Variants in TNKS observed in about 807,000 individuals in gnomAD.
The protein encoded by TNKS is poly [ADP-ribose] polymerase tankyrase-1.
In TNKS, 72 loss-of-function variants were observed where a neutral mutation model predicts 135.8. The observed-to-expected ratio is 0.53, with a 90% CI of 0.44 to 0.64. The LOEUF (loss-of-function observed/expected upper bound fraction) is 0.64. Among genes scored for constraint, TNKS ranks in the 30% least tolerant of loss-of-function variants. The pLI is 0.00. For missense variants in TNKS, 1,769 were observed against 1,674.0 expected, an observed-to-expected ratio of 1.06 and a Z score of -0.99; for synonymous variants, 849 against 649.3, an observed-to-expected ratio of 1.31 and a Z score of -4.68.
intron 17 of TNKS, among the ~76,000 whole-genome samples, chr8:9,739,998 A>G (rs1805846532): frequency 9.2e-6 from 1 of 108,768 alleles, no homozygotes; most frequent in Non-Finnish European, 1.8e-5. Flanking sequence ...TGGCACATGT[A>G]TACATATGTA....
chr8:9,676,880 A>G (rs1419749097), intron 3 of TNKS, among the ~76,000 whole-genome samples: 2 of 152,136 alleles, frequency 1.3e-5, no homozygotes, highest in Non-Finnish European at 2.9e-5. Flanking sequence ...CCTGGTTGCT[A>G]TTATCTTGAC....
At chr8:9,577,105 TAAC>T (rs902482722) in intron 1 of TNKS, among the ~76,000 whole-genome samples, 2 of 147,212 alleles carry the variant, frequency 1.4e-5, no homozygotes, top group African/African-American at 2.6e-5. Flanking sequence ...AAAATGTAAA[TAAC>T]AATTCATTTT....
intron 3 of TNKS, among the ~76,000 whole-genome samples, chr8:9,651,043 A>G (rs542012486): frequency 1.1e-3 from 12 of 10,630 alleles, no homozygotes; most frequent in Non-Finnish European, 4.7e-3. Context: ...TGCCTTGCCA[A>G]TTATACCAAC....
chr8:9,673,592 T>C (rs903828075), intron 3 of TNKS, among the ~76,000 whole-genome samples: 3 of 151,900 alleles, frequency 2.0e-5, no homozygotes, highest in African/African-American at 7.3e-5. Context: ...TACAGGCACG[T>C]GCCACCACGC....
At chr8:9,600,252 A>G (rs1036693311) in intron 2 of TNKS, among the ~76,000 whole-genome samples, 5 of 152,160 alleles carry the variant, frequency 3.3e-5, no homozygotes, top group African/African-American at 1.2e-4. Context: ...TAACTATGGC[A>G]TATTGCCATG....
At chr8:9,727,515 T>G (rs1029858053) in intron 13 of TNKS, among the ~76,000 whole-genome samples, 1 of 152,192 alleles carries the variant, frequency 6.6e-6, no homozygotes, top group Non-Finnish European at 1.5e-5. Context: ...GCAATCCTCT[T>G]GCCTTACCCT....
intron 3 of TNKS, among the ~76,000 whole-genome samples, chr8:9,619,837 A>G (rs1369197907): frequency 6.7e-6 from 1 of 149,106 alleles, no homozygotes; most frequent in East Asian, 2.0e-4. Context: ...CCCTTCAGAT[A>G]AGACCAACAT....
At chr8:9,633,879 C>G (rs1800394127) in intron 3 of TNKS, among the ~76,000 whole-genome samples, 1 of 152,068 alleles carries the variant, frequency 6.6e-6, no homozygotes, top group African/African-American at 2.4e-5. Context: ...ATATGATAGT[C>G]CCCATGTATA....
At chr8:9,590,141 C>A (rs1338164731) in intron 2 of TNKS, among the ~76,000 whole-genome samples, 1 of 152,120 alleles carries the variant, frequency 6.6e-6, no homozygotes, top group Non-Finnish European at 1.5e-5. Context: ...CACATAATTC[C>A]AGGTGTACTT....
At chr8:9,765,098 A>G (rs1196978075) in intron 23 of TNKS, among the ~76,000 whole-genome samples, 1 of 152,210 alleles carries the variant, frequency 6.6e-6, no homozygotes, top group Non-Finnish European at 1.5e-5. Context: ...ATAGCTGACA[A>G]TAATGTTTTT....
intron 5 of TNKS, among the ~76,000 whole-genome samples, chr8:9,687,497 A>G (rs568055824): frequency 1.3e-5 from 2 of 152,210 alleles, no homozygotes; most frequent in South Asian, 4.1e-4. Context: ...TTTATTTTTC[A>G]TTAGGGAATT....
intron 3 of TNKS, among the ~76,000 whole-genome samples, chr8:9,621,196 C>G (rs1799852854): frequency 6.6e-6 from 1 of 152,080 alleles, no homozygotes; most frequent in African/African-American, 2.4e-5. Flanking sequence ...TTTTTATCAA[C>G]AGATTTCTCA....
chr8:9,775,653 G>A (rs1044725502), intron 26 of TNKS, among the ~76,000 whole-genome samples: 5 of 150,954 alleles, frequency 3.3e-5, no homozygotes, highest in African/African-American at 1.2e-4. Flanking sequence ...TAAGACTTTT[G>A]CATTTAGTTC....
chr8:9,723,567 C>T (rs1233496853), intron 12 of TNKS, among the ~76,000 whole-genome samples: 3 of 152,114 alleles, frequency 2.0e-5, no homozygotes, highest in African/African-American at 7.2e-5. Flanking sequence ...AGAGAAGCAG[C>T]TTTTTATGAA....
Position 9,752,643 on chromosome 8 carries a change from A to C in TNKS, c.3153+17A>C. On this transcript the variant is annotated intron_variant, in intron 20 of 26. Transcript: ENST00000310430. ...ACAGAACAGGTAAATACTCTTGTAT[A>C]TATTTGAGTCATTTAAATTAAATAC... The C allele has an allele frequency of 6.5e-7, 1 of 1,531,256 alleles. No homozygotes were observed. Among genetic ancestry groups the C allele is most frequent in the South Asian group, 1.1e-5 (1 of 87,696 alleles). The allele number at this position is 1,531,256 out of a possible 1,614,324, so 94.9% of individuals were successfully genotyped here.
intron 25 of TNKS, among the ~76,000 whole-genome samples, chr8:9,766,697 G>A (rs1015682816): frequency 2.6e-5 from 4 of 152,096 alleles, no homozygotes; most frequent in African/African-American, 9.7e-5. Context: ...TGTTGGCCAA[G>A]CTGGTCTCGA....
At chr8:9,769,240 G>T (rs1304267379) in intron 25 of TNKS, among the ~76,000 whole-genome samples, 1 of 152,160 alleles carries the variant, frequency 6.6e-6, no homozygotes, top group Non-Finnish European at 1.5e-5. Context: ...AAACCAGATT[G>T]CAGGCTGGAT....
chr8:9,763,970 C>G (rs1189740317), intron 22 of TNKS, among the ~76,000 whole-genome samples: 1 of 152,080 alleles, frequency 6.6e-6, no homozygotes, highest in African/African-American at 2.4e-5. Flanking sequence ...GACCATGACC[C>G]CAGGGCTGTA....
At chr8:9,616,369 C>G (rs1259601964) in intron 3 of TNKS, among the ~76,000 whole-genome samples, 1 of 152,110 alleles carries the variant, frequency 6.6e-6, no homozygotes, top group African/African-American at 2.4e-5. Context: ...TGCATTGGAT[C>G]TATTTTTGTT....
Sources: gnomAD v4.1 joint callset for allele counts (sites outside exome capture counted in the v4.1 genomes callset) on GRCh38, gnomAD v4.1.1 for gene constraint, MANE v1.5 for transcripts, NCBI Gene and HGNC (gene_info 2026-07-23, HGNC 2026-07-21) for gene names.